KCNN2: variants seen among roughly 807,000 people sequenced by gnomAD.
KCNN2 encodes small conductance calcium-activated potassium channel protein 2.
A neutral mutation model predicts 55.5 loss-of-function variants in KCNN2; 24 were observed. The ratio of observed to expected loss-of-function variants is 0.43; its 90% confidence interval spans 0.31 to 0.61. The LOEUF is 0.61. Among genes scored for constraint, KCNN2 ranks in the 20% least tolerant of loss-of-function variants. The pLI, the probability that KCNN2 is intolerant of heterozygous loss-of-function variation, is 0.08. For missense variants in KCNN2, 754 were observed against 853.6 expected (o/e 0.88, Z 1.45); for synonymous variants, 431 against 336.1 (o/e 1.28, Z -3.09).
chr5:114,452,158 T>C (rs1168884019), intron 3 of KCNN2, among the ~76,000 whole-genome samples: 1 of 152,210 alleles, frequency 6.6e-6, no homozygotes, highest in Non-Finnish European at 1.5e-5. Flanking sequence ...TCATACGTTC[T>C]ATAAATTAGT....
chr5:114,107,140 T>C (rs1027742814), intron 1 of KCNN2, among the ~76,000 whole-genome samples: 1 of 152,122 alleles, frequency 6.6e-6, no homozygotes, highest in Admixed American at 6.6e-5. Flanking sequence ...CCACCATTCA[T>C]TGAGAAAACT....
chr5:114,099,591 C>G (rs1230415917), intron 1 of KCNN2, among the ~76,000 whole-genome samples: 1 of 152,144 alleles, frequency 6.6e-6, no homozygotes, highest in Non-Finnish European at 1.5e-5. Flanking sequence ...ATCCTCCCTC[C>G]TCAGCCTCCC....
chr5:114,101,955 G>A (rs1032983726), intron 1 of KCNN2, among the ~76,000 whole-genome samples: 2 of 152,140 alleles, frequency 1.3e-5, no homozygotes, highest in African/African-American at 2.4e-5. Context: ...ACCCAGTAAT[G>A]GGATTGCTGG....
At chr5:114,411,794 C>T (rs1247723895) in intron 3 of KCNN2, among the ~76,000 whole-genome samples, 2 of 152,198 alleles carry the variant, frequency 1.3e-5, no homozygotes, top group African/African-American at 4.8e-5. Flanking sequence ...CTGACTCACA[C>T]ACCAGTCTCC....
At chr5:114,435,881 C>G (rs933996460) in intron 3 of KCNN2, among the ~76,000 whole-genome samples, 4 of 152,132 alleles carry the variant, frequency 2.6e-5, no homozygotes, top group Non-Finnish European at 4.4e-5. Flanking sequence ...GGCACAATTC[C>G]TTAAGTAGAT....
At chr5:114,446,796 G>T (rs1760427268) in intron 3 of KCNN2, among the ~76,000 whole-genome samples, 1 of 152,094 alleles carries the variant, frequency 6.6e-6, no homozygotes, top group African/African-American at 2.4e-5. Flanking sequence ...AATCTACTTG[G>T]AAGGCTGAAG....
At chr5:114,379,952 A>G (rs989256121) in intron 2 of KCNN2, among the ~76,000 whole-genome samples, 12 of 149,950 alleles carry the variant, frequency 8.0e-5, no homozygotes, top group Non-Finnish European at 1.3e-4. Flanking sequence ...AAAGTGTAAA[A>G]ATATATAAGT....
At chr5:114,363,765 C>T in intron 1 of KCNN2, 141 bp from the exon 2 acceptor site, 1 of 623,328 alleles carries the variant, frequency 1.6e-6, no homozygotes, top group Non-Finnish European at 2.9e-6. Context: ...GATCACAGAG[C>T]CAAGACAGGT....
chr5:114,364,475 T>C (rs988033969), intron 2 of KCNN2, among the ~76,000 whole-genome samples: 2 of 152,118 alleles, frequency 1.3e-5, no homozygotes, highest in African/African-American at 2.4e-5. Flanking sequence ...AAATGAGATA[T>C]GGGAAAAGAT....
chr5:114,061,326 A>C (rs538577303), intron 1 of KCNN2, among the ~76,000 whole-genome samples: 2 of 152,224 alleles, frequency 1.3e-5, no homozygotes, highest in Non-Finnish European at 2.9e-5. Context: ...GTGTGAATAT[A>C]GTAATATGGT....
chr5:114,141,254 A>T (rs533331706), intron 1 of KCNN2, among the ~76,000 whole-genome samples: 1 of 152,166 alleles, frequency 6.6e-6, no homozygotes, highest in East Asian at 1.9e-4. Context: ...TACATTAGGT[A>T]TATCTCCTAA....
intron 4 of KCNN2, among the ~76,000 whole-genome samples, chr5:114,465,615 C>CA (rs574328581): frequency 0.18 from 21,891 of 122,310 alleles, 2,064 homozygotes; most frequent in African/African-American, 0.31. Context: ...TCCATCATCT[C>CA]AAAAAAAAAA....
rs145049278 is a variant in KCNN2, at chr5:114,067,481, A to G, written c.-271+10981A>G. ...GTCTATGCATCTTTAATCTAATGGG[A>G]TATAAGTGATTCAATTTCTGTTTAA... is the stretch of plus-strand genomic sequence containing the variant. On this transcript the variant is annotated intron_variant, in intron 1 of 10. Coordinates refer to the KCNN2 transcript ENST00000512097. Among the ~76,000 whole-genome samples, 154 of 152,314 alleles carry G rather than the reference A, an allele frequency of 1.0e-3. No homozygotes were observed. In the Middle Eastern group the frequency reaches 0.01, roughly 10 times the overall value.
At chr5:114,128,905 CTG>C (rs1309915331) in intron 1 of KCNN2, among the ~76,000 whole-genome samples, 2 of 152,128 alleles carry the variant, frequency 1.3e-5, no homozygotes, top group Non-Finnish European at 2.9e-5. Context: ...AAAAGTAAAA[CTG>C]TGTAATTTTC....
chr5:114,251,313 A>T (rs1044040405), intron 2 of KCNN2, among the ~76,000 whole-genome samples: 1 of 152,350 alleles, frequency 6.6e-6, no homozygotes, highest in African/African-American at 2.4e-5. Context: ...TTGTTTAATC[A>T]AAGATTCAAA....
intron 2 of KCNN2, among the ~76,000 whole-genome samples, chr5:114,392,609 TC>T (rs545853967): frequency 5.3e-4 from 80 of 152,220 alleles, no homozygotes; most frequent in African/African-American, 1.9e-3. Context: ...ATTTTTTCCC[TC>T]CTGCAGTTCT....
chr5:114,194,184 C>A (rs1488413230), intron 1 of KCNN2, among the ~76,000 whole-genome samples: 2 of 151,996 alleles, frequency 1.3e-5, no homozygotes, highest in Admixed American at 1.3e-4. Context: ...TTTGTGTAGA[C>A]ATATGTTTGC....
intron 3 of KCNN2, among the ~76,000 whole-genome samples, chr5:114,422,745 G>A (rs1221127307): frequency 6.6e-6 from 1 of 152,172 alleles, no homozygotes; most frequent in Non-Finnish European, 1.5e-5. Flanking sequence ...TTTGTGTACA[G>A]CTGTGGGCTG....
At chr5:114,462,817 C>G (rs1183464826) in intron 3 of KCNN2, among the ~76,000 whole-genome samples, 3 of 152,148 alleles carry the variant, frequency 2.0e-5, no homozygotes, top group African/African-American at 7.2e-5. Flanking sequence ...GTGAGGAAAT[C>G]TGTTTTATAT....
Sources: allele counts gnomAD v4.1 joint callset (sites outside exome capture counted in the v4.1 genomes callset), GRCh38; gene constraint gnomAD v4.1.1; transcripts MANE v1.5; gene names NCBI Gene and HGNC (gene_info 2026-07-23, HGNC 2026-07-21).